Variants in RFTN1 observed in about 807,000 individuals in gnomAD.
RFTN1 encodes raftlin, lipid raft linker 1, also known as raftlin.
Under a neutral mutation model 46.5 loss-of-function variants are expected in RFTN1, and 26 were observed. That is an observed-to-expected ratio of 0.56 (90% CI 0.41 to 0.78). The LOEUF is 0.78. Ranked by LOEUF, RFTN1 falls within the 30% of genes least tolerant of loss-of-function variation. The pLI is 0.00. For synonymous variants in RFTN1, 261 were observed against 284.2 expected (o/e 0.92, Z 0.82); for missense variants, 693 against 718.7 (o/e 0.96, Z 0.41).
At chr3:16,495,087 A>G (rs1403483774) in intron 1 of RFTN1, among the ~76,000 whole-genome samples, 1 of 152,222 alleles carries the variant, frequency 6.6e-6, no homozygotes, top group African/African-American at 2.4e-5. Context: ...AATTAAAAAA[A>G]GTCTGAAAGA....
intron 4 of RFTN1, among the ~76,000 whole-genome samples, chr3:16,378,927 G>A (rs1263781499): frequency 6.6e-6 from 1 of 152,176 alleles, no homozygotes; most frequent in Non-Finnish European, 1.5e-5. Flanking sequence ...AAGGCAATTG[G>A]GTTGAATGTA....
At position 16,381,737 on chromosome 3, in the gene RFTN1, G is replaced by C. The variant is rs576265260; in HGVS notation, c.442-3635C>G. ...AGTATGCAACAGCCTGGTGTGTTGA[G>C]GAAATTTCTAGAAATATTTCTGGAA... On this transcript the variant is annotated intron_variant, in intron 4 of 9. Coordinates refer to ENST00000334133, the MANE Select transcript of RFTN1 (RefSeq NM_015150.2). This position sits in a 1 kb window ranked among gnomAD's most constrained non-coding sequence, Gnocchi z 4.2. Among the ~76,000 whole-genome samples, 1 of 152,244 alleles carries C rather than the reference G, an allele frequency of 6.6e-6. No homozygotes were observed. The highest frequency in any genetic ancestry group is 6.5e-5 in the Admixed American group (1 of 15,292).
Position 16,383,919 on chromosome 3 carries a change from C to T in RFTN1, c.442-5817G>A, listed in dbSNP as rs1390857726. Among the ~76,000 whole-genome samples, 1 of 152,194 alleles carries T rather than the reference C, an allele frequency of 6.6e-6. No individual in the cohort carries two copies. The highest frequency in any genetic ancestry group is 1.5e-5 in the Non-Finnish European group (1 of 68,028). On this transcript the variant is annotated intron_variant, in intron 4 of 9. Coordinates refer to ENST00000334133, the MANE Select transcript of RFTN1 (RefSeq NM_015150.2). This position sits in a 1 kb window ranked among gnomAD's most constrained non-coding sequence, Gnocchi z 4.0. ...GATGGTGTCACAGTTAATTTTATGT[C>T]CACTTGACTGAACTATGGTGACCAA...
In RFTN1 at chr3:16,332,431, C is replaced by T. The variant is rs75007403; in HGVS notation, c.1147-5555G>A. On this transcript the variant is annotated intron_variant, in intron 7 of 9. Transcript: ENST00000334133. Reference sequence around the variant, plus strand: ...TTTGATTGCTTCTTTTTTTTTTTTACAGCATCTTGTTTTTGCTTCATGGAT... The same window carrying T: ...TTTGATTGCTTCTTTTTTTTTTTTATAGCATCTTGTTTTTGCTTCATGGAT... 3.0e-3 allele frequency among the ~76,000 whole-genome samples: 442 copies of T among 147,426 alleles called. 2 individuals carry two copies. Among genetic ancestry groups the T allele is most frequent in the African/African-American group, 0.011 (427 of 39,956 alleles).
chr3:16,365,845 A>G (rs539203777), intron 6 of RFTN1, among the ~76,000 whole-genome samples: 6 of 152,350 alleles, frequency 3.9e-5, no homozygotes, highest in African/African-American at 1.4e-4. Context: ...CTGCAGAATA[A>G]GAGGCTAGGT....
intron 2 of RFTN1, among the ~76,000 whole-genome samples, chr3:16,462,796 T>C (rs2076028039): frequency 6.6e-6 from 1 of 152,210 alleles, no homozygotes; most frequent in Admixed American, 6.5e-5. Flanking sequence ...ACTACCTCAA[T>C]GGGTGCAGGT....
chr3:16,507,109 A>G lies in RFTN1; in HGVS notation c.-9+6333T>C, dbSNP rs2076820001. On this transcript the variant is annotated intron_variant, in intron 1 of 9. Coordinates refer to ENST00000334133, the MANE Select transcript of RFTN1 (RefSeq NM_015150.2). This position sits in a 1 kb window ranked among gnomAD's most constrained non-coding sequence, Gnocchi z 7.1. ...CATCTGTAAAATGGGGACAACTGCA[A>G]TATCTACTTCTAGGGTGAGGACTAA... 6.6e-6 allele frequency among the ~76,000 whole-genome samples: 1 copy of G among 152,190 alleles called. No homozygotes were observed. Among genetic ancestry groups the G allele is most frequent in the African/African-American group, 2.4e-5 (1 of 41,450 alleles).
chr3:16,431,199 A>C (rs2075380301), intron 3 of RFTN1, among the ~76,000 whole-genome samples: 1 of 152,204 alleles, frequency 6.6e-6, no homozygotes, highest in African/African-American at 2.4e-5. Flanking sequence ...CCTGGCCACG[A>C]GTTCTGTGTT....
intron 6 of RFTN1, among the ~76,000 whole-genome samples, chr3:16,367,082 T>C (rs1046825300): frequency 6.6e-6 from 1 of 152,240 alleles, no homozygotes; most frequent in Non-Finnish European, 1.5e-5. Flanking sequence ...CATCACCTTG[T>C]TTATGGGACA....
chr3:16,410,053 C>T lies in RFTN1; in HGVS notation c.333-570G>A, dbSNP rs371482370. ...TTTAATGAAGCCCCAGATTCTTTCCCGAAAGTAACGTCAAAAAGGCACTGA... is the reference window on the plus strand; with the variant it reads ...TTTAATGAAGCCCCAGATTCTTTCCTGAAAGTAACGTCAAAAAGGCACTGA... On this transcript the variant is annotated intron_variant, in intron 3 of 9. Coordinates refer to ENST00000334133, the MANE Select transcript of RFTN1 (RefSeq NM_015150.2). The surrounding 1 kb of genome is among the most constrained non-coding windows in gnomAD (Gnocchi z 4.6). 5.9e-5 allele frequency among the ~76,000 whole-genome samples: 9 copies of T among 151,622 alleles called. 1 individual carries two copies. Among genetic ancestry groups the T allele is most frequent in the African/African-American group, 2.2e-4 (9 of 41,266 alleles).
intron 4 of RFTN1, among the ~76,000 whole-genome samples, chr3:16,406,308 T>A (rs2125442135): frequency 6.6e-6 from 1 of 152,336 alleles, no homozygotes; most frequent in African/African-American, 2.4e-5. Flanking sequence ...GCAACTGGAC[T>A]AGAAACTAAA....
chr3:16,487,600 T>C (rs1205892488), intron 2 of RFTN1, among the ~76,000 whole-genome samples: 1 of 152,254 alleles, frequency 6.6e-6, no homozygotes, highest in African/African-American at 2.4e-5. Context: ...TGGTGGCTCC[T>C]GTACTAGTCA....
At chr3:16,328,418 C>A (rs891562212) in intron 7 of RFTN1, among the ~76,000 whole-genome samples, 1 of 152,166 alleles carries the variant, frequency 6.6e-6, no homozygotes, top group African/African-American at 2.4e-5. Context: ...ATGCCCTGGG[C>A]GAGTGGGATG....
At position 16,448,519 on chromosome 3, in the gene RFTN1, G is replaced by A. The variant is rs1017412615; in HGVS notation, c.146-14482C>T. Among the ~76,000 whole-genome samples, 1 of 152,084 alleles carries A rather than the reference G, an allele frequency of 6.6e-6. No homozygotes were observed. The highest frequency in any genetic ancestry group is 1.5e-5 in the Non-Finnish European group (1 of 68,022). ...AAGCTGTCACAACCCTTACAATGTG[G>A]GATCAAAAGAGTAACCTTCCTTGAA... is the stretch of plus-strand genomic sequence containing the variant. On this transcript the variant is annotated intron_variant, in intron 2 of 9. Transcript: ENST00000334133. The surrounding 1 kb of genome is among the most constrained non-coding windows in gnomAD (Gnocchi z 4.1).
Position 16,496,236 on chromosome 3 carries a change from C to T in RFTN1, c.-8-2359G>A, listed in dbSNP as rs552559169. Among the ~76,000 whole-genome samples the T allele has an allele frequency of 3.9e-5, 6 of 152,366 alleles. No individual in the cohort carries two copies. The East Asian group carries it at 1.2e-3, about 29-fold the overall frequency. On this transcript the variant is annotated intron_variant, in intron 1 of 9. Coordinates refer to ENST00000334133, the MANE Select transcript of RFTN1 (RefSeq NM_015150.2). ...CACACCCACCATGGCAGCTTTCAAG[C>T]TGCCAAACATGATGCCACAGAAGGC...
rs2070913307 is a variant in RFTN1, at chr3:16,336,945, A to G, written c.1147-10069T>C. Among the ~76,000 whole-genome samples, 1 of 152,204 alleles carries G rather than the reference A, an allele frequency of 6.6e-6. No homozygotes were observed. The highest frequency in any genetic ancestry group is 6.5e-5 in the Admixed American group (1 of 15,292). On this transcript the variant is annotated intron_variant, in intron 7 of 9. Transcript: ENST00000334133. The surrounding 1 kb of genome is among the most constrained non-coding windows in gnomAD (Gnocchi z 6.0). ...TTCCCTGTGTCCAGGCCACTTTCCA[A>G]CACAGCTCGGCAGCTCCTCCCATAA...
At chr3:16,325,908 G>C (rs901833776) in intron 8 of RFTN1, among the ~76,000 whole-genome samples, 1 of 152,196 alleles carries the variant, frequency 6.6e-6, no homozygotes, top group Non-Finnish European at 1.5e-5. Context: ...GGAGCTCTGG[G>C]GGCCACAGCG....
Position 16,374,328 on chromosome 3 carries a change from G to A in RFTN1, c.826+3390C>T, listed in dbSNP as rs2073657100. On this transcript the variant is annotated intron_variant, in intron 5 of 9. Transcript: ENST00000334133. The surrounding 1 kb of genome is among the most constrained non-coding windows in gnomAD (Gnocchi z 5.4). ...CAGAAGGCAGGGGCTGATGACCGTG[G>A]GTGGGAGCTCAATAGCTGTTTGTTA... is the stretch of plus-strand genomic sequence containing the variant. 6.6e-6 allele frequency among the ~76,000 whole-genome samples: 1 copy of A among 152,200 alleles called. No individual in the cohort carries two copies. Among genetic ancestry groups the A allele is most frequent in the African/African-American group, 2.4e-5 (1 of 41,438 alleles).
intron 5 of RFTN1, among the ~76,000 whole-genome samples, chr3:16,372,703 G>T (rs1315514717): frequency 2.0e-5 from 3 of 152,210 alleles, no homozygotes; most frequent in African/African-American, 7.2e-5. Flanking sequence ...AAAGGGGAAG[G>T]CCAAAGGAGA....
Sources: allele counts gnomAD v4.1 joint callset (sites outside exome capture counted in the v4.1 genomes callset), GRCh38; gene constraint gnomAD v4.1.1; non-coding constraint Gnocchi (gnomAD v3.1); transcripts MANE v1.5; gene names NCBI Gene and HGNC (gene_info 2026-07-23, HGNC 2026-07-21).